The following KDM4C variants were observed in gnomAD, a reference collection of about 807,000 sequenced individuals.
KDM4C encodes the protein lysine demethylase 4C.
In KDM4C, 81 loss-of-function variants were observed where a neutral mutation model predicts 129.3. The ratio of observed to expected loss-of-function variants is 0.63; its 90% CI spans 0.52 to 0.75. The LOEUF (loss-of-function observed/expected upper bound fraction) is 0.75. Ranked by LOEUF, KDM4C falls within the 30% of genes least tolerant of loss-of-function variation. The pLI is 0.00. For missense variants in KDM4C, 1,457 were observed against 1,304.0 expected, an observed-to-expected ratio of 1.12 and a Z score of -1.81; for synonymous variants, 573 against 456.1, an observed-to-expected ratio of 1.26 and a Z score of -3.26.
In KDM4C at chr9:6,730,118, G is replaced by GA. The variant is rs142942724; in HGVS notation, c.49+9132dup. Among the ~76,000 whole-genome samples the GA allele has an allele frequency of 9.8e-4, 134 of 137,232 alleles. 3 individuals are homozygous for GA. The highest frequency in any genetic ancestry group is 1.4e-3 in the Non-Finnish European group (90 of 62,886). 90.0% of individuals were successfully genotyped at this position (137,232 alleles called of 152,430 possible). Reference sequence around the variant, plus strand: ...AAGCGAGACTCAGTCTTAAAAAAAAGAAAAAAAAAAAGGCTTGTCAGTTGC... The same window carrying GA: ...AAGCGAGACTCAGTCTTAAAAAAAAGAAAAAAAAAAAAGGCTTGTCAGTTGC... On this transcript the variant is annotated intron_variant, in intron 1 of 17. Coordinates refer to the KDM4C transcript ENST00000536108.
chr9:6,812,268 A>G (rs1178592082), intron 3 of KDM4C, among the ~76,000 whole-genome samples: 5 of 152,022 alleles, frequency 3.3e-5, no homozygotes, highest in Non-Finnish European at 7.4e-5. Context: ...GATTGAGTAC[A>G]TAGTGATAGA....
chr9:6,738,646 C>T (rs1338949275), intron 1 of KDM4C, among the ~76,000 whole-genome samples: 3 of 152,064 alleles, frequency 2.0e-5, no homozygotes, highest in African/African-American at 7.2e-5. Context: ...GCTCTGTCAC[C>T]AAGGCTGGAG....
intron 19 of KDM4C, among the ~76,000 whole-genome samples, chr9:7,163,938 C>T (rs10758841): frequency 0.47 from 72,154 of 152,010 alleles, 18,756 homozygotes; most frequent in Non-Finnish European, 0.59. Context: ...AATGAACAGC[C>T]GGGCCTTCCA....
intron 15 of KDM4C, among the ~76,000 whole-genome samples, chr9:7,034,766 G>A (rs1193619702): frequency 6.6e-6 from 1 of 152,118 alleles, no homozygotes; most frequent in African/African-American, 2.4e-5. Flanking sequence ...GTTCTCCATG[G>A]TGGCTTTACT....
At chr9:7,048,876 G>C (rs896079523) in intron 16 of KDM4C, among the ~76,000 whole-genome samples, 13 of 152,024 alleles carry the variant, frequency 8.6e-5, no homozygotes, top group Non-Finnish European at 1.8e-4. Context: ...GCCTTTATCA[G>C]CTCTTCATGG....
At chr9:7,112,736 A>C (rs959000133) in intron 18 of KDM4C, among the ~76,000 whole-genome samples, 1 of 152,066 alleles carries the variant, frequency 6.6e-6, no homozygotes, top group Non-Finnish European at 1.5e-5. Flanking sequence ...GCTCACTTCC[A>C]TGGCTTGATA....
chr9:6,983,667 A>C (rs745365324), intron 9 of KDM4C, among the ~76,000 whole-genome samples: 1 of 151,638 alleles, frequency 6.6e-6, no homozygotes, highest in Non-Finnish European at 1.5e-5. Flanking sequence ...TTGGCATTTA[A>C]TTTGAACTAT....
intron 19 of KDM4C, among the ~76,000 whole-genome samples, chr9:7,128,652 A>C (rs753713129): frequency 1.3e-5 from 2 of 152,038 alleles, no homozygotes; most frequent in African/African-American, 2.4e-5. Context: ...GGCTTTGATT[A>C]ATCTGACTCG....
intron 18 of KDM4C, among the ~76,000 whole-genome samples, chr9:7,115,174 C>G (rs952306211): frequency 2.6e-5 from 4 of 152,152 alleles, no homozygotes; most frequent in African/African-American, 9.7e-5. Flanking sequence ...TGAGGAAAAT[C>G]AACTCTTCCA....
intron 8 of KDM4C, among the ~76,000 whole-genome samples, chr9:6,971,610 G>A (rs1309204561): frequency 6.6e-6 from 1 of 152,184 alleles, no homozygotes; most frequent in Admixed American, 6.5e-5. Context: ...TTCTTAACAA[G>A]TGTATGCATA....
At chr9:6,912,806 C>T (rs150604691) in intron 8 of KDM4C, among the ~76,000 whole-genome samples, 27 of 152,012 alleles carry the variant, frequency 1.8e-4, no homozygotes, top group African/African-American at 6.0e-4. Flanking sequence ...GTTGGTATTC[C>T]CTATGTGTTA....
intron 8 of KDM4C, among the ~76,000 whole-genome samples, chr9:6,939,406 A>G (rs1156428762): frequency 1.3e-5 from 2 of 152,044 alleles, no homozygotes; most frequent in Non-Finnish European, 2.9e-5. Context: ...ATTCTACATT[A>G]TGGTGAGTTG....
At chr9:7,132,064 C>G (rs1290374792) in intron 19 of KDM4C, among the ~76,000 whole-genome samples, 1 of 152,186 alleles carries the variant, frequency 6.6e-6, no homozygotes, top group Non-Finnish European at 1.5e-5. Context: ...AACTAGTTCT[C>G]TAAGCCTCAG....
At chr9:6,991,691 A>AT (rs35843304) in intron 12 of KDM4C, among the ~76,000 whole-genome samples, 20 of 151,938 alleles carry the variant, frequency 1.3e-4, no homozygotes, top group East Asian at 9.7e-4. Flanking sequence ...TCTTTCACAG[A>AT]TTTTTTCCCC....
rs552727623 is a variant in KDM4C, at chr9:6,988,480, A to G, written c.1677+1814A>G. Among the ~76,000 whole-genome samples, 4 of 148,978 alleles carry G rather than the reference A, an allele frequency of 2.7e-5. No homozygotes were observed. The South Asian group carries it at 8.7e-4, about 32-fold the overall frequency. ...TTGGCTTGCCTGTAAGAACAACTGC[A>G]TGACATCCTTTTCTTACACCATGGT... On this transcript the variant is annotated intron_variant, in intron 11 of 21. Transcript: ENST00000381309.
chr9:6,749,028 T>A (rs925326706), intron 1 of KDM4C: 14 of 650,870 alleles, frequency 2.2e-5, no homozygotes, highest in Non-Finnish European at 3.7e-5. Flanking sequence ...TATTATTATT[T>A]TTATTTTTGA....
chr9:6,944,840 C>G (rs1004884450), intron 8 of KDM4C, among the ~76,000 whole-genome samples: 2 of 151,826 alleles, frequency 1.3e-5, no homozygotes, highest in Non-Finnish European at 2.9e-5. Flanking sequence ...ATTGTATGAT[C>G]TGGTATCTTC....
intron 17 of KDM4C, among the ~76,000 whole-genome samples, chr9:7,052,894 A>AGAGAGCGAGAGAGAGAGAGAGAGAGAGC (rs1554718520): frequency 9.5e-6 from 1 of 105,468 alleles, no homozygotes; most frequent in Non-Finnish European, 2.0e-5. Context: ...AGAGAGAGAG[A>AGAGAGCGAGAGAGAGAGAGAGAGAGAGC]GAGAGAGCGA....
intron 1 of KDM4C, among the ~76,000 whole-genome samples, chr9:6,744,843 C>T (rs141254017): frequency 3.3e-5 from 5 of 150,490 alleles, no homozygotes; most frequent in African/African-American, 7.4e-5. Flanking sequence ...CAGAAGGCAC[C>T]AGGGCAAGGT....
Sources: allele counts gnomAD v4.1 joint callset (sites outside exome capture counted in the v4.1 genomes callset), GRCh38; gene constraint gnomAD v4.1.1; transcripts MANE v1.5; gene names NCBI Gene and HGNC (gene_info 2026-07-23, HGNC 2026-07-21).